Variants in CDC20B observed in about 807,000 individuals in gnomAD.
CDC20B encodes the protein cell division cycle 20B, also known as cell division cycle protein 20 homolog B.
A neutral mutation model predicts 64.1 loss-of-function variants in CDC20B; 58 were observed. The ratio of observed to expected loss-of-function variants is 0.90; its 90% CI spans 0.73 to 1.13. The LOEUF (loss-of-function observed/expected upper bound fraction) is 1.13. Among genes scored for constraint, CDC20B ranks in the 50% most tolerant of loss-of-function variants. The pLI, the probability that CDC20B is intolerant of heterozygous loss-of-function variation, is 0.00. For missense variants in CDC20B, 597 were observed against 633.0 expected, an observed-to-expected ratio of 0.94 and a Z score of 0.61; for synonymous variants, 243 against 230.6, an observed-to-expected ratio of 1.05 and a Z score of -0.49.
At chr5:55,166,646 A>G (rs906471504) in intron 2 of CDC20B, 2 of 152,236 alleles carry the variant, frequency 1.3e-5, no homozygotes, top group African/African-American at 4.8e-5. Context: ...CCTATATTGG[A>G]CAATCTTCCT....
chr5:55,160,056 G>T, intron 2 of CDC20B: 1 of 630,616 alleles, frequency 1.6e-6, no homozygotes, highest in South Asian at 2.0e-5. Flanking sequence ...TCCCCTCTGA[G>T]AAGTGGTCTT....
Position 55,128,393 on chromosome 5 carries a change from G to T in CDC20B, c.894+28C>A, listed in dbSNP as rs201464892. ...TAGTGTAATAATACACAGAGAACAT[G>T]ATGAGAAAAAAAAAAACTGGCCAGT... On this transcript the variant is annotated intron_variant, in intron 7 of 11. Transcript: ENST00000381375. 252 of 1,545,718 alleles carry T rather than the reference G, an allele frequency of 1.6e-4. No individual in the cohort carries two copies. The African/African-American group carries it at 3.4e-3, about 21-fold the overall frequency.
intron 5 of CDC20B, among the ~76,000 whole-genome samples, chr5:55,138,247 G>A (rs1181857297): frequency 2.0e-5 from 3 of 150,166 alleles, no homozygotes; most frequent in East Asian, 2.0e-4. Flanking sequence ...TACAACCTCC[G>A]CCTCCCAGGT....
intron 2 of CDC20B, chr5:55,164,089 G>A (rs1744243741): frequency 6.3e-7 from 1 of 1,596,890 alleles, no homozygotes; most frequent in Non-Finnish European, 8.5e-7. Flanking sequence ...GGAATTTTTG[G>A]AAGTATCTTG....
intron 11 of CDC20B, among the ~76,000 whole-genome samples, chr5:55,117,653 G>A (rs1742655207): frequency 6.6e-6 from 1 of 152,020 alleles, no homozygotes; most frequent in Admixed American, 6.6e-5. Context: ...TAAATACCTA[G>A]GCCAGGGGAC....
chr5:55,140,131 T>C (rs569562029), intron 5 of CDC20B, among the ~76,000 whole-genome samples, 183 bp downstream of exon 5: 1 of 152,138 alleles, frequency 6.6e-6, no homozygotes, highest in African/African-American at 2.4e-5. Flanking sequence ...TGGTCACCTA[T>C]AGAGAATGGG....
At chr5:55,153,264 GAAC>G (rs1743720737) in intron 2 of CDC20B, among the ~76,000 whole-genome samples, 1 of 76,302 alleles carries the variant, frequency 1.3e-5, no homozygotes, top group Non-Finnish European at 2.8e-5. Flanking sequence ...AAAAAAAAAA[GAAC>G]AATTTTCAAA....
intron 5 of CDC20B, among the ~76,000 whole-genome samples, chr5:55,138,165 TA>T (rs33958487): frequency 2.7e-4 from 38 of 141,332 alleles, no homozygotes; most frequent in Admixed American, 4.2e-4. Flanking sequence ...GATTTTGAGT[TA>T]AAAAAAAAAA....
At position 55,128,480 on chromosome 5, in the gene CDC20B, C is replaced by A. The variant is rs1214885105; in HGVS notation, c.835G>T (p.Val279Leu). ...LSLTCNYISSVSWIKEGTCLA... is the reference protein window; with the variant it reads ...LSLTCNYISSLSWIKEGTCLA... The stretch of plus-strand genomic sequence containing the variant: ...CAAGTTCCCTCTTTTATCCAGGACA[C>A]AGAAGAGATATAGTTACAAGTGAGA... Residue 279 changes from valine to leucine, a missense_variant, in exon 7 of 12, where the codon GTG becomes TTG. Transcript: ENST00000381375. The A allele has an allele frequency of 6.2e-7, 1 of 1,611,140 alleles. No homozygotes were observed. Among genetic ancestry groups the A allele is most frequent in the Non-Finnish European group, 8.5e-7 (1 of 1,179,350 alleles).
At chr5:55,133,614 T>A (rs1743083979) in intron 5 of CDC20B, 86 bp from the exon 6 acceptor site, 4 of 588,162 alleles carry the variant, frequency 6.8e-6, no homozygotes, top group Non-Finnish European at 1.1e-5. Flanking sequence ...TAACATTAAG[T>A]GAAAAAGCTT....
chr5:55,133,635 A>G (rs1373195436), intron 5 of CDC20B, 107 bp from the exon 6 acceptor site: 4 of 509,018 alleles, frequency 7.9e-6, no homozygotes. Flanking sequence ...AATTAAGTGG[A>G]AAATAAGTAG....
chr5:55,117,952 T>A (rs1561284234), intron 11 of CDC20B, among the ~76,000 whole-genome samples: 1 of 152,008 alleles, frequency 6.6e-6, no homozygotes, highest in Non-Finnish European at 1.5e-5. Context: ...CCATCTCTAC[T>A]AAAAATACAC....
rs1743491063 is a variant in CDC20B, at chr5:55,146,773, A to G, written c.210T>C (p.Ser70=). 4.3e-6 allele frequency: 7 copies of G among 1,614,140 alleles called. No homozygotes were observed. The highest frequency in any genetic ancestry group is 5.9e-6 in the Non-Finnish European group (7 of 1,180,020). ...GCTGCCACCTTGTGGTAATGGGGCTACTCGCAACAGGAACCTCTGCGGACA... is the reference window on the plus strand; with the variant it reads ...GCTGCCACCTTGTGGTAATGGGGCTGCTCGCAACAGGAACCTCTGCGGACA... ...KRLSAEVPVA[S]SPITTRWQQS... is the part of the protein sequence containing the mutation. Residue 70 remains serine, a synonymous_variant, in exon 3 of 12, where the codon AGT becomes AGC. Transcript: ENST00000381375.
intron 2 of CDC20B, among the ~76,000 whole-genome samples, chr5:55,162,182 G>A (rs1744110018): frequency 6.6e-6 from 1 of 151,282 alleles, no homozygotes; most frequent in South Asian, 2.1e-4. Context: ...GATCACTTAA[G>A]GTCAGGAGTT....
chr5:55,167,402 A>T (rs990703000), intron 2 of CDC20B, among the ~76,000 whole-genome samples: 3 of 152,226 alleles, frequency 2.0e-5, no homozygotes, highest in African/African-American at 7.2e-5. Flanking sequence ...ACTGCAGTGT[A>T]TCTAGCATAT....
At chr5:55,139,810 C>A (rs1002320178) in intron 5 of CDC20B, among the ~76,000 whole-genome samples, 1 of 151,830 alleles carries the variant, frequency 6.6e-6, no homozygotes, top group Non-Finnish European at 1.5e-5. Flanking sequence ...GGGTCACTTG[C>A]GGCCAGGAGT....
intron 7 of CDC20B, among the ~76,000 whole-genome samples, chr5:55,127,840 G>A (rs1334161378): frequency 6.6e-6 from 1 of 152,170 alleles, no homozygotes; most frequent in Non-Finnish European, 1.5e-5. Context: ...TTTGGTGTAA[G>A]AAGAAATCAT....
intron 5 of CDC20B, among the ~76,000 whole-genome samples, chr5:55,133,973 T>C (rs1196044968): frequency 1.3e-5 from 2 of 152,178 alleles, no homozygotes; most frequent in Non-Finnish European, 2.9e-5. Flanking sequence ...TAGCTCTTTC[T>C]CTCAATATTT....
In CDC20B at chr5:55,146,724, A is replaced by G; in HGVS notation, c.259T>C (p.Ser87Pro). The G allele has an allele frequency of 6.2e-7, 1 of 1,614,214 alleles. No homozygotes were observed. The highest frequency in any genetic ancestry group is 8.5e-7 in the Non-Finnish European group (1 of 1,180,048). The part of the protein sequence containing the change: ...WQQSQTRALS[S>P]DSFGEEQSTT... Reference sequence around the variant, plus strand: ...GACTGCTCTTCCCCAAAGGAATCAGAGGACAGAGCCCTAGTTTGACTTTGC... The same window carrying G: ...GACTGCTCTTCCCCAAAGGAATCAGGGGACAGAGCCCTAGTTTGACTTTGC... Residue 87 changes from serine to proline, a missense_variant, in exon 3 of 12, where the codon TCT becomes CCT. This residue lies in a region of CDC20B where 241 missense variants were observed against 219.2 expected (regional missense o/e 1.10). Coordinates refer to ENST00000381375, the MANE Select transcript of CDC20B (RefSeq NM_001170402.1).
Sources: gnomAD v4.1 joint callset for allele counts (sites outside exome capture counted in the v4.1 genomes callset) on GRCh38, gnomAD v4.1.1 for gene constraint, gnomAD v4.1.1 regional missense constraint, MANE v1.5 for transcripts, NCBI Gene and HGNC (gene_info 2026-07-23, HGNC 2026-07-21) for gene names.